ARHGEF19: variants seen among roughly 807,000 people sequenced by gnomAD.
ARHGEF19 encodes Rho guanine nucleotide exchange factor 19.
Under a neutral mutation model 87.6 loss-of-function variants are expected in ARHGEF19, and 92 were observed. That is an observed-to-expected ratio of 1.05 (90% CI 0.89 to 1.25). The LOEUF is 1.25. ARHGEF19 is among the 50% of genes most tolerant of loss of function. The pLI is 0.00. For missense variants in ARHGEF19, 1,054 were observed against 1,051.8 expected (o/e 1.00, Z -0.03); for synonymous variants, 438 against 446.2 (o/e 0.98, Z 0.23).
chr1:16,207,961 G>C lies in ARHGEF19; in HGVS notation c.677C>G (p.Thr226Ser). 4 of 1,610,292 alleles carry C rather than the reference G, an allele frequency of 2.5e-6. No individual in the cohort carries two copies. Among genetic ancestry groups the C allele is most frequent in the Non-Finnish European group, 3.4e-6 (4 of 1,179,182 alleles). The change falls in exon 3 of 16, where the codon ACC becomes AGC. Residue 226 changes from threonine (T) to serine (S), a missense_variant. By Grantham distance (58) the Thr-to-Ser change is moderately conservative (BLOSUM62 1). Transcript: ENST00000270747. The surrounding 1 kb of genome is among the most constrained non-coding windows in gnomAD (Gnocchi z 4.0). ...AARALISGSG[T>S]GAAREGKASG... The stretch of plus-strand genomic sequence containing the variant: ...GCTGGTACCTTCCCGGGCTGCTCCG[G>C]TGCCTGACCCAGAGATGAGTGCCCG...
In ARHGEF19 at chr1:16,205,802, C is replaced by T. The variant is rs2081126188; in HGVS notation, c.1451+129G>A. 6.7e-7 allele frequency: 1 copy of T among 1,490,080 alleles called. No individual in the cohort carries two copies. The highest frequency in any genetic ancestry group is 9.0e-7 in the Non-Finnish European group (1 of 1,113,560). The allele number at this position is 1,490,080 out of a possible 1,614,324, so 92.3% of individuals were successfully genotyped here. A position where few individuals can be genotyped will look rare whatever the true frequency, so the allele number is the denominator to read the frequency against. On this transcript the variant is annotated intron_variant, in intron 8 of 15. Coordinates refer to ENST00000270747, the MANE Select transcript of ARHGEF19 (RefSeq NM_153213.5). This position sits in a 1 kb window ranked among gnomAD's most constrained non-coding sequence, Gnocchi z 5.8. The stretch of plus-strand genomic sequence containing the variant: ...CCTTTGGGGTTGCATCTCACCTTAT[C>T]CTGGTCACAGAGACCTTTTCAGGGA...
At position 16,205,880 on chromosome 1, in the gene ARHGEF19, T is replaced by C. The variant is rs2081127009; in HGVS notation, c.1451+51A>G. 1 of 1,560,314 alleles carries C rather than the reference T, an allele frequency of 6.4e-7. No homozygotes were observed. The highest frequency in any genetic ancestry group is 8.7e-7 in the Non-Finnish European group (1 of 1,151,926). ...TCACCCAGCCCTCAGTGCCTACACC[T>C]GCCTGAGACTCCCTCCACGCCCCCG... On this transcript the variant is annotated intron_variant, in intron 8 of 15. Transcript: ENST00000270747. The surrounding 1 kb of genome is among the most constrained non-coding windows in gnomAD (Gnocchi z 5.8).
rs775612400 is a variant in ARHGEF19 at position 16,199,304 on chromosome 1, G to A, written c.2147-50C>T. The A allele has an allele frequency of 5.2e-6, 8 of 1,550,334 alleles. No homozygotes were observed. The African/African-American group carries it at 6.8e-5, about 13-fold the overall frequency. ...GAGTCCCAAGGGCAGGATGGCAGGG[G>A]GAGGAGCATGGGTAGGGCAGGGAGG... is the stretch of plus-strand genomic sequence containing the variant. On this transcript the variant is annotated intron_variant, in intron 14 of 15. Transcript: ENST00000270747.
intron 12 of ARHGEF19, 125 bp from the exon 13 acceptor site, chr1:16,202,699 A>C: frequency 8.0e-7 from 1 of 1,257,216 alleles, no homozygotes; most frequent in Non-Finnish European, 1.1e-6. Context: ...CAGCGTTCTC[A>C]CAGGGTCCTG....
chr1:16,203,078 A>C lies in ARHGEF19; in HGVS notation c.1908-504T>G, dbSNP rs577749612. 8.1e-4 allele frequency among the ~76,000 whole-genome samples: 123 copies of C among 151,988 alleles called. 2 individuals carry two copies. The highest frequency in any genetic ancestry group is 6.8e-4 in the Non-Finnish European group (46 of 67,998). The stretch of plus-strand genomic sequence containing the variant: ...AGTGTCTAACTCTCTTCCAGTATAT[A>C]AGCCCCACGAAGGCTGAGCCTCGTC... On this transcript the variant is annotated intron_variant, in intron 12 of 15. Coordinates refer to ENST00000270747, the MANE Select transcript of ARHGEF19 (RefSeq NM_153213.5).
chr1:16,199,712 C>CA (rs1368756856), intron 14 of ARHGEF19, among the ~76,000 whole-genome samples: 6 of 152,130 alleles, frequency 3.9e-5, no homozygotes, highest in Admixed American at 3.9e-4. Flanking sequence ...TAAAGCCCTC[C>CA]AGGGCTTCCC....
In ARHGEF19 at chr1:16,202,444, G is replaced by A. The variant is rs754450332; in HGVS notation, c.2038C>T (p.His680Tyr). The A allele has an allele frequency of 7.6e-5, 122 of 1,613,968 alleles. No individual in the cohort carries two copies. Among genetic ancestry groups the A allele is most frequent in the Non-Finnish European group, 1.0e-4 (120 of 1,180,014 alleles). Residue 680 changes from histidine (H) to tyrosine (Y), a missense_variant, in exon 13 of 16, where the codon CAC becomes TAC. Physicochemically the swap from His to Tyr is moderately conservative, Grantham distance 83 (BLOSUM62 2). Coordinates refer to ENST00000270747, the MANE Select transcript of ARHGEF19 (RefSeq NM_153213.5). ...LQLLHGQHMK[H>Y]QFLLRARTES... ...GTCCGGGCCCGCAGCAGGAACTGGT[G>A]CTTCATGTGCTGCCCGTGGAGGAGC...
In ARHGEF19 at chr1:16,206,910, G is replaced by GCCCGCC. The variant is rs1553143290; in HGVS notation, c.1137+32_1137+37dup. On this transcript the variant is annotated intron_variant, in intron 6 of 15. Coordinates refer to ENST00000270747, the MANE Select transcript of ARHGEF19 (RefSeq NM_153213.5). The surrounding 1 kb of genome is among the most constrained non-coding windows in gnomAD (Gnocchi z 4.6). ...AAGTCCCCGGACCGCGTACTCCCCG[G>GCCCGCC]CCCGCCCCCGCCCCGCCGGGTCCCC... is the stretch of plus-strand genomic sequence containing the variant. 1.3e-5 allele frequency: 18 copies of GCCCGCC among 1,417,644 alleles called. No homozygotes were observed. In the African/African-American group the frequency reaches 1.5e-4, roughly 12 times the overall value. The allele number at this position is 1,417,644 out of a possible 1,614,324, so 87.8% of individuals were successfully genotyped here.
rs1177953922 is a variant in ARHGEF19 at position 16,205,065 on chromosome 1, C to T, written c.1746+22G>A. The T allele has an allele frequency of 6.3e-7, 1 of 1,585,478 alleles. No individual in the cohort carries two copies. The highest frequency in any genetic ancestry group is 2.3e-5 in the East Asian group (1 of 43,522). Reference sequence around the variant, plus strand: ...AAGAGCTGCCCCTTGGGGTCCCCATCCCGCTGGCTGCAGACACACACCTTG... The same window carrying T: ...AAGAGCTGCCCCTTGGGGTCCCCATTCCGCTGGCTGCAGACACACACCTTG... On this transcript the variant is annotated intron_variant, in intron 11 of 15. Coordinates refer to ENST00000270747, the MANE Select transcript of ARHGEF19 (RefSeq NM_153213.5). The surrounding 1 kb of genome is among the most constrained non-coding windows in gnomAD (Gnocchi z 5.8).
chr1:16,206,391 A>C lies in ARHGEF19; in HGVS notation c.1138-51T>G. ...AAAGGGCAGGACCAGTTCACCTCGG[A>C]GGCCCTGGCCTCACATCCCCAGACC... is the stretch of plus-strand genomic sequence containing the variant. On this transcript the variant is annotated intron_variant, in intron 6 of 15. Coordinates refer to ENST00000270747, the MANE Select transcript of ARHGEF19 (RefSeq NM_153213.5). The surrounding 1 kb of genome is among the most constrained non-coding windows in gnomAD (Gnocchi z 4.6). 1 of 1,551,638 alleles carries C rather than the reference A, an allele frequency of 6.4e-7. No individual in the cohort carries two copies. The highest frequency in any genetic ancestry group is 8.7e-7 in the Non-Finnish European group (1 of 1,145,804).
chr1:16,202,584 C>T lies in ARHGEF19; in HGVS notation c.1908-10G>A, dbSNP rs1446919462. ...GGCAAACTTCCCTAGCCTGGAGGAC[C>T]GGGGGAGGGGAGGTCAGCCTGGCCT... is the stretch of plus-strand genomic sequence containing the variant. On this transcript the variant is annotated splice_polypyrimidine_tract_variant and intron_variant, in intron 12 of 15. Coordinates refer to ENST00000270747, the MANE Select transcript of ARHGEF19 (RefSeq NM_153213.5). 1.1e-5 allele frequency: 18 copies of T among 1,609,876 alleles called. No homozygotes were observed. Among genetic ancestry groups the T allele is most frequent in the East Asian group, 2.2e-5 (1 of 44,824 alleles).
Position 16,207,106 on chromosome 1 carries a change from C to T in ARHGEF19, c.979G>A (p.Gly327Arg), listed in dbSNP as rs1328719023. 2 of 1,512,980 alleles carry T rather than the reference C, an allele frequency of 1.3e-6. No homozygotes were observed. Among genetic ancestry groups the T allele is most frequent in the Non-Finnish European group, 8.8e-7 (1 of 1,134,628 alleles). 93.7% of individuals were successfully genotyped at this position (1,512,980 alleles called of 1,614,324 possible). ...AGGTTGGCCCGCGGCGGCCCCGGCC[C>T]CTCCTCTGCGCCCTCGGCCTCGTCC... Reference protein sequence around the residue: ...PGDEAEGAEEGPGPPRANLSP... With the variant: ...PGDEAEGAEERPGPPRANLSP... The change falls in exon 6 of 16, where the codon GGG becomes AGG. Residue 327 changes from glycine to arginine, a missense_variant. Transcript: ENST00000270747. This position sits in a 1 kb window ranked among gnomAD's most constrained non-coding sequence, Gnocchi z 4.0.
At chr1:16,208,365 G>T in intron 2 of ARHGEF19, 140 bp from the exon 3 acceptor site, 1 of 1,185,594 alleles carries the variant, frequency 8.4e-7, no homozygotes, top group South Asian at 1.6e-5. Flanking sequence ...CTAGCATCTG[G>T]TCCCCAGAGC....
chr1:16,204,787 C>T lies in ARHGEF19; in HGVS notation c.1879G>A (p.Asp627Asn), dbSNP rs1437137734. The T allele has an allele frequency of 6.2e-7, 1 of 1,610,992 alleles. No homozygotes were observed. Among genetic ancestry groups the T allele is most frequent in the African/African-American group, 1.3e-5 (1 of 74,844 alleles). Residue 627 changes from aspartate to asparagine, a missense_variant, in exon 12 of 16, where the codon GAC becomes AAC. By Grantham distance (23) the Asp-to-Asn change is conservative. Coordinates refer to ENST00000270747, the MANE Select transcript of ARHGEF19 (RefSeq NM_153213.5). The part of the protein sequence containing the change: ...SKAVYLHLFN[D>N]CLLLSRRKEL... ...TTCCGCCGAGAGAGCAGCAAGCAGT[C>T]ATTGAAGAGGTGGAGGTAGACTGCC...
At position 16,208,938 on chromosome 1, in the gene ARHGEF19, G is replaced by A. The variant is rs2081172425; in HGVS notation, c.117C>T (p.Ala39=). The A allele has an allele frequency of 1.9e-6, 3 of 1,581,438 alleles. No individual in the cohort carries two copies. The highest frequency in any genetic ancestry group is 2.6e-6 in the Non-Finnish European group (3 of 1,165,224). Residue 39 remains alanine, a synonymous_variant, in exon 2 of 16, where the codon GCC becomes GCT. Transcript: ENST00000270747. ...QESLSFAELP[A]LKPPSPVCLD... ...GACACACTGGGCTCGGGGGCTTCAG[G>A]GCGGGCAGCTCTGCAAAGGACAGAC...
In ARHGEF19 at chr1:16,205,479, C is replaced by A. The variant is rs2081120680; in HGVS notation, c.1582-54G>T. 5 of 1,612,298 alleles carry A rather than the reference C, an allele frequency of 3.1e-6. No individual in the cohort carries two copies. In the African/African-American group the frequency reaches 6.7e-5, roughly 22 times the overall value. ...AGTCCTCATACTCCCGAGACCCGGC[C>A]CGCCCACAGGTGTATCTCCCTCGCC... On this transcript the variant is annotated intron_variant, in intron 9 of 15. Coordinates refer to ENST00000270747, the MANE Select transcript of ARHGEF19 (RefSeq NM_153213.5). This position sits in a 1 kb window ranked among gnomAD's most constrained non-coding sequence, Gnocchi z 5.8.
rs746060935 is a variant in ARHGEF19, at chr1:16,205,558, G to A, written c.1561C>T (p.Arg521Cys). 1.5e-5 allele frequency: 25 copies of A among 1,613,912 alleles called. No individual in the cohort carries two copies. The highest frequency in any genetic ancestry group is 6.7e-5 in the African/African-American group (5 of 74,894). Reference sequence around the variant, plus strand: ...GGTACCTCCACCAACATCTTGAGGCGGGTGATCCTCTGGAAGGGCAGGATA... The same window carrying A: ...GGTACCTCCACCAACATCTTGAGGCAGGTGATCCTCTGGAAGGGCAGGATA... Reference protein sequence around the residue: ...FLILPFQRITRLKMLVENILK... With the variant: ...FLILPFQRITCLKMLVENILK... The change falls in exon 9 of 16, where the codon CGC becomes TGC. Residue 521 changes from arginine to cysteine, a missense_variant. Arg to Cys is a radical substitution (Grantham distance 180). Coordinates refer to ENST00000270747, the MANE Select transcript of ARHGEF19 (RefSeq NM_153213.5). This position sits in a 1 kb window ranked among gnomAD's most constrained non-coding sequence, Gnocchi z 5.8.
rs142369162 is a variant in ARHGEF19 at position 16,205,633 on chromosome 1, G to A, written c.1486C>T (p.Arg496Cys). 48 of 1,612,644 alleles carry A rather than the reference G, an allele frequency of 3.0e-5. No homozygotes were observed. The African/African-American group carries it at 4.3e-4, about 14-fold the overall frequency. ...TGGCACACAGGAGACTCCTCCAGGC[G>A]AGCCAGGATGCCAGGGAACCTGGGG... ...ENPRFPGILA[R>C]LEESPVCQRL... The change falls in exon 9 of 16, where the codon CGC becomes TGC. Residue 496 changes from arginine (R) to cysteine (C), a missense_variant. Coordinates refer to ENST00000270747, the MANE Select transcript of ARHGEF19 (RefSeq NM_153213.5). The surrounding 1 kb of genome is among the most constrained non-coding windows in gnomAD (Gnocchi z 5.8).
rs1311925547 is a variant in ARHGEF19, at chr1:16,205,614, A to G, written c.1505T>C (p.Val502Ala). 1 of 1,613,796 alleles carries G rather than the reference A, an allele frequency of 6.2e-7. No individual in the cohort carries two copies. Among genetic ancestry groups the G allele is most frequent in the Admixed American group, 1.7e-5 (1 of 59,914 alleles). Residue 502 changes from valine to alanine, a missense_variant, in exon 9 of 16, where the codon GTG becomes GCG. Val to Ala is a moderately conservative substitution (Grantham distance 64). Coordinates refer to ENST00000270747, the MANE Select transcript of ARHGEF19 (RefSeq NM_153213.5). The surrounding 1 kb of genome is among the most constrained non-coding windows in gnomAD (Gnocchi z 5.8). ...GGAGGTAAGGGGCAGACGCTGGCAC[A>G]CAGGAGACTCCTCCAGGCGAGCCAG... The part of the protein sequence containing the change: ...GILARLEESP[V>A]CQRLPLTSFL...
Sources: gnomAD v4.1 joint callset for allele counts (sites outside exome capture counted in the v4.1 genomes callset) on GRCh38, gnomAD v4.1.1 for gene constraint, Gnocchi (gnomAD v3.1) non-coding constraint, MANE v1.5 for transcripts, NCBI Gene and HGNC (gene_info 2026-07-23, HGNC 2026-07-21) for gene names.